The following BICRAL variants were observed in gnomAD, a reference collection of about 807,000 sequenced individuals.
BICRAL encodes the protein BRD4-interacting chromatin-remodeling complex-associated protein-like.
A neutral mutation model predicts 91.8 loss-of-function variants in BICRAL; 8 were observed. That is an observed-to-expected ratio of 0.09 (90% CI 0.05 to 0.16). The LOEUF (loss-of-function observed/expected upper bound fraction) is 0.16, where lower values mean the gene tolerates loss of function less well. Among genes scored for constraint, BICRAL ranks in the 10% least tolerant of loss-of-function variants. The probability of loss-of-function intolerance (pLI) is 1.00; values close to 1 mark genes in which losing one functional copy is unlikely to be tolerated. For missense variants in BICRAL, 1,038 were observed against 1,310.9 expected (o/e 0.79, Z 3.21); for synonymous variants, 445 against 491.1 (o/e 0.91, Z 1.24).
rs531034014 is a variant in BICRAL at position 42,836,130 on chromosome 6, C to A, written c.1839+5958C>A. Among the ~76,000 whole-genome samples, 9 of 152,268 alleles carry A rather than the reference C, an allele frequency of 5.9e-5. No individual in the cohort carries two copies. In the South Asian group the frequency reaches 1.2e-3, roughly 21 times the overall value. On this transcript the variant is annotated intron_variant, in intron 6 of 12. Coordinates refer to ENST00000314073, the MANE Select transcript of BICRAL (RefSeq NM_001393499.1). ...CACGCACAGTGCATACACATACTTACCTGCAACACGCCATAGACGTTTTCA... is the reference window on the plus strand; with the variant it reads ...CACGCACAGTGCATACACATACTTAACTGCAACACGCCATAGACGTTTTCA...
At chr6:42,850,904 T>C (rs1249289145) in intron 6 of BICRAL, among the ~76,000 whole-genome samples, 1 of 151,410 alleles carries the variant, frequency 6.6e-6, no homozygotes, top group Non-Finnish European at 1.5e-5. Context: ...TAAAAGCCCT[T>C]TATTGGCTGG....
intron 1 of BICRAL, among the ~76,000 whole-genome samples, chr6:42,803,544 C>T (rs1181328386): frequency 3.3e-5 from 5 of 152,160 alleles, no homozygotes; most frequent in African/African-American, 1.2e-4. Context: ...TAGTAACTGA[C>T]ATTAACCCTA....
intron 2 of BICRAL, among the ~76,000 whole-genome samples, chr6:42,811,042 C>T (rs539272454): frequency 1.8e-4 from 28 of 152,298 alleles, no homozygotes; most frequent in South Asian, 6.2e-4. Context: ...GGTTCAAGAC[C>T]TTATAAATGA....
intron 6 of BICRAL, among the ~76,000 whole-genome samples, chr6:42,844,768 A>G (rs1344445812): frequency 1.3e-5 from 2 of 152,090 alleles, no homozygotes; most frequent in Non-Finnish European, 2.9e-5. Context: ...ACTGAAGAGC[A>G]ATAGCTATGA....
chr6:42,748,671 A>G (rs1762328999), intron 1 of BICRAL, among the ~76,000 whole-genome samples: 1 of 152,212 alleles, frequency 6.6e-6, no homozygotes, highest in Admixed American at 6.5e-5. Flanking sequence ...TGTGAGGAGT[A>G]GTGGAAAGGG....
At chr6:42,833,058 CTT>C (rs1292449197) in intron 6 of BICRAL, among the ~76,000 whole-genome samples, 17 of 139,718 alleles carry the variant, frequency 1.2e-4, no homozygotes, top group Admixed American at 2.2e-4. Context: ...GGTAGACTGT[CTT>C]TTTTTTTTTT....
chr6:42,860,025 TAGTTAA>T (rs1193308990), intron 10 of BICRAL, among the ~76,000 whole-genome samples: 2 of 152,160 alleles, frequency 1.3e-5, no homozygotes, highest in African/African-American at 4.8e-5. Flanking sequence ...TTTGGTTTCC[TAGTTAA>T]AGTTAAAAGA....
intron 1 of BICRAL, among the ~76,000 whole-genome samples, chr6:42,800,878 A>T (rs1763548318): frequency 6.6e-6 from 1 of 152,200 alleles, no homozygotes; most frequent in Non-Finnish European, 1.5e-5. Flanking sequence ...AATATTTTGA[A>T]TGTTACTCAT....
intron 1 of BICRAL, among the ~76,000 whole-genome samples, chr6:42,775,682 G>A (rs1389597717): frequency 4.6e-5 from 7 of 152,118 alleles, no homozygotes; most frequent in Non-Finnish European, 8.8e-5. Context: ...TAACAGCTCT[G>A]CTGTATTGTA....
intron 1 of BICRAL, among the ~76,000 whole-genome samples, chr6:42,793,762 CTT>C (rs70990140): frequency 1.4e-3 from 140 of 99,224 alleles, no homozygotes; most frequent in African/African-American, 4.7e-3. Flanking sequence ...CTCAAGATGA[CTT>C]TTTTTTTTTT....
chr6:42,852,695 A>T (rs947973810), intron 7 of BICRAL, among the ~76,000 whole-genome samples: 1 of 151,530 alleles, frequency 6.6e-6, no homozygotes, highest in Admixed American at 6.6e-5. Flanking sequence ...CTAAGATAGC[A>T]TCAATTGTAA....
intron 1 of BICRAL, among the ~76,000 whole-genome samples, chr6:42,766,105 C>T (rs1415467348): frequency 1.3e-5 from 2 of 152,182 alleles, no homozygotes; most frequent in African/African-American, 4.8e-5. Flanking sequence ...CTTAGCTTCC[C>T]AAAGTGCTGG....
chr6:42,812,946 G>C (rs188400451), intron 2 of BICRAL, among the ~76,000 whole-genome samples: 6 of 152,116 alleles, frequency 3.9e-5, no homozygotes, highest in Admixed American at 6.6e-5. Context: ...GAGGTGGGAG[G>C]ATCACCTGAG....
At chr6:42,775,450 G>T (rs910717417) in intron 1 of BICRAL, among the ~76,000 whole-genome samples, 3 of 152,154 alleles carry the variant, frequency 2.0e-5, no homozygotes, top group Non-Finnish European at 2.9e-5. Flanking sequence ...TGAGCAGGTG[G>T]AATAGAAGGA....
At chr6:42,763,870 G>C (rs1051924518) in intron 1 of BICRAL, among the ~76,000 whole-genome samples, 10 of 150,104 alleles carry the variant, frequency 6.7e-5, no homozygotes, top group Non-Finnish European at 1.0e-4. Flanking sequence ...CAAAATGCAG[G>C]TACCAAGCCA....
intron 6 of BICRAL, among the ~76,000 whole-genome samples, chr6:42,836,784 G>C (rs1283886210): frequency 6.6e-6 from 1 of 151,478 alleles, no homozygotes; most frequent in Non-Finnish European, 1.5e-5. Flanking sequence ...ACCACACCCA[G>C]CTAATTTTTG....
intron 1 of BICRAL, among the ~76,000 whole-genome samples, chr6:42,773,491 T>G (rs1355203484): frequency 6.6e-6 from 1 of 151,994 alleles, no homozygotes; most frequent in Non-Finnish European, 1.5e-5. Context: ...GTACTGGGAT[T>G]ATAGGCAAGA....
chr6:42,821,500 G>A (rs1764135727), intron 2 of BICRAL, among the ~76,000 whole-genome samples: 1 of 152,228 alleles, frequency 6.6e-6, no homozygotes, highest in South Asian at 2.1e-4. Context: ...CTGCGGCTAG[G>A]GTGCCCCCTC....
chr6:42,833,040 T>C (rs1257675720), intron 6 of BICRAL, among the ~76,000 whole-genome samples: 2 of 152,022 alleles, frequency 1.3e-5, no homozygotes, highest in African/African-American at 4.8e-5. Context: ...TCTTGCTATG[T>C]TACCCAGGGT....
Sources: allele counts gnomAD v4.1 joint callset (sites outside exome capture counted in the v4.1 genomes callset), GRCh38; gene constraint gnomAD v4.1.1; transcripts MANE v1.5; gene names NCBI Gene and HGNC (gene_info 2026-07-23, HGNC 2026-07-21).